SYT9: variants seen among roughly 807,000 people sequenced by gnomAD.
The protein encoded by SYT9 is synaptotagmin-9.
A neutral mutation model predicts 48.4 loss-of-function variants in SYT9; 22 were observed. The observed-to-expected ratio is 0.45, with a 90% CI of 0.32 to 0.65. The LOEUF is 0.65. Ranked by LOEUF, SYT9 falls within the 30% of genes least tolerant of loss-of-function variation. The pLI, the probability that SYT9 is intolerant of heterozygous loss-of-function variation, is 0.03. For synonymous variants in SYT9, 265 were observed against 245.0 expected (o/e 1.08, Z -0.76); for missense variants, 577 against 622.0 (o/e 0.93, Z 0.77).
chr11:7,249,948 C>T (rs913135652), upstream of SYT9, among the ~76,000 whole-genome samples: 10 of 152,196 alleles, frequency 6.6e-5, no homozygotes, highest in South Asian at 4.1e-4. Flanking sequence ...CTCCTCCTCC[C>T]GTGATCCCTA....
intron 1 of SYT9, among the ~76,000 whole-genome samples, chr11:7,262,693 T>C (rs1848101694): frequency 6.6e-6 from 1 of 152,056 alleles, no homozygotes; most frequent in South Asian, 2.1e-4. Context: ...GAATGAAGAC[T>C]GGGCACTCAC....
rs1848363246 is a variant in SYT9, at chr11:7,468,093, C to T, written c.*1293C>T. ...TCTGTCCCATTATAGGTGCAAGGCA[C>T]CCCATCCACACATTTGCACCACTAC... On this transcript the variant is annotated 3_prime_UTR_variant, in exon 7 of 7. Coordinates refer to ENST00000318881, the MANE Select transcript of SYT9 (RefSeq NM_175733.4). 1 of 392,974 alleles carries T rather than the reference C, an allele frequency of 2.5e-6. No homozygotes were observed. The allele number at this position is 392,974 out of a possible 1,614,324, so 24.3% of individuals were successfully genotyped here.
At chr11:7,306,725 C>G (rs548666604) in intron 2 of SYT9, among the ~76,000 whole-genome samples, 2 of 152,312 alleles carry the variant, frequency 1.3e-5, no homozygotes, top group Admixed American at 6.5e-5. Flanking sequence ...GCCACTCCAT[C>G]TGAAGTCTGT....
At chr11:7,364,681 A>T (rs1850208495) in intron 3 of SYT9, among the ~76,000 whole-genome samples, 1 of 152,130 alleles carries the variant, frequency 6.6e-6, no homozygotes, top group Non-Finnish European at 1.5e-5. Flanking sequence ...CTGTCTCTTC[A>T]TTGGCCTTAT....
Position 7,397,857 on chromosome 11 carries a change from A to T in SYT9, c.1045-18185A>T, listed in dbSNP as rs189433801. Reference sequence around the variant, plus strand: ...GTACTGGCTTTGTTGACTTTGCTAAACTTATTTGTTTTAGTAGCATTATTT... The same window carrying T: ...GTACTGGCTTTGTTGACTTTGCTAATCTTATTTGTTTTAGTAGCATTATTT... On this transcript the variant is annotated intron_variant, in intron 3 of 6. Transcript: ENST00000318881. Among the ~76,000 whole-genome samples the T allele has an allele frequency of 5.3e-5, 8 of 152,276 alleles. No individual in the cohort carries two copies. In the South Asian group the frequency reaches 1.2e-3, roughly 24 times the overall value.
rs530344711 is a variant in SYT9 at position 7,445,218 on chromosome 11, A to G, written c.1468-21574A>G. 3.3e-5 allele frequency among the ~76,000 whole-genome samples: 5 copies of G among 152,354 alleles called. No homozygotes were observed. In the South Asian group the frequency reaches 1.0e-3, roughly 32 times the overall value. The stretch of plus-strand genomic sequence containing the variant: ...ATCTGGAACTTAATGGATGCTAGGT[A>G]AACTTTGATAATTGATATTATTCAA... On this transcript the variant is annotated intron_variant, in intron 6 of 6. Transcript: ENST00000318881.
Position 7,436,253 on chromosome 11 carries a change from G to C in SYT9, c.1467+15618G>C, listed in dbSNP as rs192447303. On this transcript the variant is annotated intron_variant, in intron 6 of 6. Coordinates refer to ENST00000318881, the MANE Select transcript of SYT9 (RefSeq NM_175733.4). ...GCTTGCTATTGAGGTGGGTAGGATAGTAGGTTACCTATAAGGTTCCTTCCA... is the reference window on the plus strand; with the variant it reads ...GCTTGCTATTGAGGTGGGTAGGATACTAGGTTACCTATAAGGTTCCTTCCA... 2.0e-5 allele frequency among the ~76,000 whole-genome samples: 3 copies of C among 152,322 alleles called. No individual in the cohort carries two copies. In the East Asian group the frequency reaches 5.8e-4, roughly 29 times the overall value.
At chr11:7,243,770 T>C (rs1847764639) in intron 1 of SYT9, among the ~76,000 whole-genome samples, 1 of 152,170 alleles carries the variant, frequency 6.6e-6, no homozygotes, top group Admixed American at 6.5e-5. Flanking sequence ...TTCTGGCATC[T>C]TTTTGGCTAG....
intron 1 of SYT9, among the ~76,000 whole-genome samples, chr11:7,292,717 A>G (rs886567635): frequency 6.6e-6 from 1 of 152,200 alleles, no homozygotes; most frequent in African/African-American, 2.4e-5. Context: ...GTAATTTCAC[A>G]AGAATCCTAG....
At chr11:7,430,021 A>C (rs978899025) in intron 6 of SYT9, among the ~76,000 whole-genome samples, 2 of 152,194 alleles carry the variant, frequency 1.3e-5, no homozygotes, top group Admixed American at 6.5e-5. Flanking sequence ...AAGATCAGTC[A>C]CATAGCTGTC....
intron 3 of SYT9, among the ~76,000 whole-genome samples, chr11:7,395,291 TGTGTGCAG>T: frequency 6.6e-6 from 1 of 152,206 alleles, no homozygotes; most frequent in Non-Finnish European, 1.5e-5. Context: ...GATTATGTTC[TGTGTGCAG>T]ATGAGAAGAA....
intron 1 of SYT9, among the ~76,000 whole-genome samples, chr11:7,257,971 T>C (rs1390566944): frequency 6.6e-6 from 1 of 152,076 alleles, no homozygotes; most frequent in Admixed American, 6.5e-5. Context: ...AAATAAACAA[T>C]CAAAAGCACA....
At chr11:7,449,170 C>T (rs559074885) in intron 6 of SYT9, among the ~76,000 whole-genome samples, 1 of 151,734 alleles carries the variant, frequency 6.6e-6, no homozygotes, top group Non-Finnish European at 1.5e-5. Flanking sequence ...ATGGCAAAAC[C>T]CTGTCTCTAC....
At chr11:7,450,222 G>T (rs1267611932) in intron 6 of SYT9, among the ~76,000 whole-genome samples, 1 of 152,146 alleles carries the variant, frequency 6.6e-6, no homozygotes, top group East Asian at 1.9e-4. Flanking sequence ...TCAGATTAAG[G>T]TAGATGGTAT....
At chr11:7,353,051 T>C (rs1282721956) in intron 3 of SYT9, among the ~76,000 whole-genome samples, 2 of 152,208 alleles carry the variant, frequency 1.3e-5, no homozygotes, top group Non-Finnish European at 2.9e-5. Context: ...CCCCAATTTT[T>C]TGATGTGCAT....
At chr11:7,410,830 T>G (rs1847123628) in intron 3 of SYT9, among the ~76,000 whole-genome samples, 1 of 152,224 alleles carries the variant, frequency 6.6e-6, no homozygotes, top group African/African-American at 2.4e-5. Context: ...AAGCAGATTA[T>G]TTAATCTATT....
chr11:7,317,625 A>G (rs992143240), intron 3 of SYT9, among the ~76,000 whole-genome samples: 1 of 152,152 alleles, frequency 6.6e-6, no homozygotes, highest in Non-Finnish European at 1.5e-5. Context: ...CACACTGGGG[A>G]TTAGGGTTTC....
chr11:7,367,746 A>G (rs1850279868), intron 3 of SYT9, among the ~76,000 whole-genome samples: 1 of 151,348 alleles, frequency 6.6e-6, no homozygotes, highest in African/African-American at 2.4e-5. Context: ...TTATTCAGAT[A>G]CAAAATGTTT....
intron 1 of SYT9, among the ~76,000 whole-genome samples, chr11:7,257,047 A>G (rs1487863): frequency 0.62 from 94,301 of 152,012 alleles, 29,915 homozygotes; most frequent in South Asian, 0.7. Context: ...ACCCTAGACC[A>G]GTTTTAAATC....
Sources: gnomAD v4.1 joint callset for allele counts (sites outside exome capture counted in the v4.1 genomes callset) on GRCh38, gnomAD v4.1.1 for gene constraint, MANE v1.5 for transcripts, NCBI Gene and HGNC (gene_info 2026-07-23, HGNC 2026-07-21) for gene names.